GAS2: variants seen among roughly 807,000 people sequenced by gnomAD.
The protein encoded by GAS2 is growth arrest specific 2, also known as growth arrest-specific protein 2.
GAS2 carries 20 observed loss-of-function variants against 37.5 expected under a neutral mutation model. The observed-to-expected ratio is 0.53, with a 90% CI of 0.37 to 0.77. GAS2 has a LOEUF of 0.77. GAS2 is among the 30% of genes least tolerant of loss of function. GAS2 has a pLI of 0.00. For missense variants in GAS2, 336 were observed against 373.4 expected (o/e 0.90, Z 0.82); for synonymous variants, 144 against 132.2 (o/e 1.09, Z -0.61).
In GAS2 at chr11:22,705,247, T is replaced by G. The variant is rs528033392; in HGVS notation, c.267+19458T>G. On this transcript the variant is annotated intron_variant, in intron 3 of 7. Transcript: ENST00000454584. ...TGGACTCCTTGCAATTCTTTGAACC[T>G]GACGAGTAGGTCCCATCCACCACAG... is the stretch of plus-strand genomic sequence containing the variant. 1.1e-4 allele frequency among the ~76,000 whole-genome samples: 16 copies of G among 152,298 alleles called. 1 individual carries two copies. The East Asian group carries it at 3.1e-3, about 29-fold the overall frequency.
At chr11:22,660,830 AT>A (rs1848908355) in intron 1 of GAS2, among the ~76,000 whole-genome samples, 1 of 152,182 alleles carries the variant, frequency 6.6e-6, no homozygotes, top group South Asian at 2.1e-4. Context: ...CACTGACCCT[AT>A]TCCCAGGCAG....
chr11:22,673,644 C>T (rs554738530), intron 1 of GAS2, among the ~76,000 whole-genome samples: 34 of 152,118 alleles, frequency 2.2e-4, no homozygotes, highest in Non-Finnish European at 3.7e-4. Context: ...GGTGGCTCAA[C>T]GCCTGTAATC....
intron 3 of GAS2, among the ~76,000 whole-genome samples, chr11:22,695,629 C>G (rs975085762): frequency 6.6e-6 from 1 of 152,144 alleles, no homozygotes; most frequent in African/African-American, 2.4e-5. Flanking sequence ...GAGCCAATAG[C>G]AAATGCAAGT....
chr11:22,711,807 G>T (rs1279092736), intron 3 of GAS2, among the ~76,000 whole-genome samples: 1 of 152,092 alleles, frequency 6.6e-6, no homozygotes, highest in Non-Finnish European at 1.5e-5. Context: ...AACTTCATTG[G>T]CCTGAAAGCC....
At chr11:22,739,801 A>G (rs1852974428) in intron 5 of GAS2, among the ~76,000 whole-genome samples, 1 of 152,006 alleles carries the variant, frequency 6.6e-6, no homozygotes, top group Non-Finnish European at 1.5e-5. Context: ...CTTGTTACTT[A>G]AATATTCTAA....
chr11:22,666,416 G>T (rs897183333), upstream of GAS2, among the ~76,000 whole-genome samples: 3 of 152,156 alleles, frequency 2.0e-5, no homozygotes, highest in African/African-American at 7.2e-5. Flanking sequence ...TATTGACTCT[G>T]TTAAACCTCT....
At chr11:22,682,241 A>C (rs1442345474) in intron 2 of GAS2, among the ~76,000 whole-genome samples, 2 of 152,070 alleles carry the variant, frequency 1.3e-5, no homozygotes, top group Non-Finnish European at 2.9e-5. Context: ...ATAATGTATA[A>C]AAAGTAAAAA....
chr11:22,706,032 G>A (rs1158907745), intron 3 of GAS2, among the ~76,000 whole-genome samples: 2 of 152,226 alleles, frequency 1.3e-5, no homozygotes, highest in Admixed American at 6.5e-5. Flanking sequence ...AAGCAAGTAT[G>A]TCTGGAGACT....
chr11:22,804,635 T>A (rs1856808282), intron 7 of GAS2, among the ~76,000 whole-genome samples: 1 of 151,862 alleles, frequency 6.6e-6, no homozygotes, highest in Admixed American at 6.6e-5. Context: ...TTAATGAGAG[T>A]TAGAACATAG....
At chr11:22,671,930 G>A (rs1231907048) in intron 1 of GAS2, among the ~76,000 whole-genome samples, 1 of 152,042 alleles carries the variant, frequency 6.6e-6, no homozygotes, top group Non-Finnish European at 1.5e-5. Context: ...AAGACCTGCA[G>A]GTATTGACTT....
rs71311297 is a variant in GAS2 at position 22,764,561 on chromosome 11, C to CAAAA, written c.723+8624_723+8627dup. 6.2e-4 allele frequency among the ~76,000 whole-genome samples: 38 copies of CAAAA among 61,612 alleles called. 1 individual carries two copies. In the East Asian group the frequency reaches 0.013, roughly 21 times the overall value. 40.4% of individuals were successfully genotyped at this position (61,612 alleles called of 152,430 possible). A position where few individuals can be genotyped will look rare whatever the true frequency, so the allele number is the denominator to read the frequency against. On this transcript the variant is annotated intron_variant, in intron 7 of 7. Transcript: ENST00000454584. ...TGGATGACAGAGCAAGACTCCGTCT[C>CAAAA]AAAAAAAAAAAAAAAAAAAGAACAA...
intron 3 of GAS2, among the ~76,000 whole-genome samples, chr11:22,695,353 C>G (rs1850451292): frequency 6.6e-6 from 1 of 151,966 alleles, no homozygotes; most frequent in African/African-American, 2.4e-5. Flanking sequence ...TATTCTGTGG[C>G]TAGCTGAGAT....
intron 7 of GAS2, among the ~76,000 whole-genome samples, chr11:22,802,467 A>C (rs987384003): frequency 2.0e-5 from 3 of 151,962 alleles, no homozygotes; most frequent in Non-Finnish European, 2.9e-5. Context: ...AAAAAAAAAA[A>C]AACCCAAGCT....
At chr11:22,718,506 C>G (rs1851794074) in intron 3 of GAS2, among the ~76,000 whole-genome samples, 1 of 135,560 alleles carries the variant, frequency 7.4e-6, no homozygotes, top group African/African-American at 2.7e-5. Context: ...ACTATGGGGA[C>G]TTTGGGGGAA....
intron 1 of GAS2, among the ~76,000 whole-genome samples, chr11:22,639,215 G>A (rs1273492665): frequency 1.3e-5 from 2 of 152,126 alleles, no homozygotes; most frequent in Non-Finnish European, 2.9e-5. Context: ...TGGAAGGGAA[G>A]GCTGTTAACA....
chr11:22,684,836 C>G (rs1056303199), intron 2 of GAS2, among the ~76,000 whole-genome samples: 2 of 152,164 alleles, frequency 1.3e-5, no homozygotes, highest in Non-Finnish European at 2.9e-5. Flanking sequence ...TTCCAAAATT[C>G]TGGGATTACA....
intron 7 of GAS2, among the ~76,000 whole-genome samples, chr11:22,778,702 A>G (rs2134470352): frequency 1.3e-5 from 2 of 152,364 alleles, no homozygotes; most frequent in Non-Finnish European, 2.9e-5. Flanking sequence ...GTCTGTAGGT[A>G]GAAATCATAG....
chr11:22,701,396 A>G (rs1468066050), intron 3 of GAS2, among the ~76,000 whole-genome samples: 2 of 152,176 alleles, frequency 1.3e-5, no homozygotes, highest in African/African-American at 2.4e-5. Flanking sequence ...ATTTGTCTTC[A>G]TGGTGAGAAA....
At chr11:22,785,800 T>C (rs1318749659) in intron 7 of GAS2, among the ~76,000 whole-genome samples, 1 of 152,048 alleles carries the variant, frequency 6.6e-6, no homozygotes, top group East Asian at 1.9e-4. Flanking sequence ...TATAAGGGAG[T>C]ATAGGACAAA....
Sources: gnomAD v4.1 joint callset for allele counts (sites outside exome capture counted in the v4.1 genomes callset) on GRCh38, gnomAD v4.1.1 for gene constraint, MANE v1.5 for transcripts, NCBI Gene and HGNC (gene_info 2026-07-23, HGNC 2026-07-21) for gene names.